NOX4: variants seen among roughly 807,000 people sequenced by gnomAD.
NOX4 encodes NADPH oxidase 4, also known as kidney oxidase-1.
In NOX4, 69 loss-of-function variants were observed where a neutral mutation model predicts 87.6. The observed-to-expected ratio is 0.79, with a 90% confidence interval of 0.65 to 0.96. The LOEUF is 0.96. Ranked by LOEUF, NOX4 falls within the 40% of genes least tolerant of loss-of-function variation. The pLI is 0.00. For synonymous variants in NOX4, 275 were observed against 238.2 expected (o/e 1.15, Z -1.42); for missense variants, 680 against 681.5 (o/e 1.00, Z 0.02).
chr11:89,565,433 T>C, the NOX4 span, among the ~76,000 whole-genome samples: 22 of 152,200 alleles, frequency 1.4e-4, no homozygotes, highest in Non-Finnish European at 3.1e-4. Flanking sequence ...TCATGTATTT[T>C]GCAGCTAATG....
intron 11 of NOX4, among the ~76,000 whole-genome samples, chr11:89,385,174 C>G (rs1940604702): frequency 6.6e-6 from 1 of 152,112 alleles, no homozygotes; most frequent in Non-Finnish European, 1.5e-5. Flanking sequence ...TATCCTGCAC[C>G]ACCATGCTGT....
intron 2 of NOX4, among the ~76,000 whole-genome samples, chr11:89,454,029 G>C (rs1945080667): frequency 6.6e-6 from 1 of 152,040 alleles, no homozygotes; most frequent in South Asian, 2.1e-4. Flanking sequence ...TATCATTAAA[G>C]AAAGCCCAGG....
intron 11 of NOX4, among the ~76,000 whole-genome samples, chr11:89,374,472 GC>G (rs1351151138): frequency 6.6e-6 from 1 of 152,130 alleles, no homozygotes; most frequent in African/African-American, 2.4e-5. Flanking sequence ...CGACTACCCA[GC>G]TTTTATCAAG....
At chr11:89,415,100 C>T (rs1377479965) in intron 8 of NOX4, among the ~76,000 whole-genome samples, 1 of 151,818 alleles carries the variant, frequency 6.6e-6, no homozygotes, top group Non-Finnish European at 1.5e-5. Flanking sequence ...TGCTTCAATT[C>T]CCCATCTGTA....
chr11:89,488,520 A>T (rs1946718560), intron 2 of NOX4, among the ~76,000 whole-genome samples: 2 of 152,308 alleles, frequency 1.3e-5, no homozygotes, highest in South Asian at 4.1e-4. Context: ...CATGAAAATT[A>T]ATGAGTTGGT....
the NOX4 span, among the ~76,000 whole-genome samples, chr11:89,555,798 C>T: frequency 7.5e-4 from 114 of 151,940 alleles, no homozygotes; most frequent in African/African-American, 2.7e-3. Flanking sequence ...AGGAGAGAGC[C>T]GATATGTATT....
chr11:89,374,414 T>C (rs1415487825), intron 11 of NOX4, among the ~76,000 whole-genome samples: 2 of 152,198 alleles, frequency 1.3e-5, no homozygotes, highest in African/African-American at 4.8e-5. Flanking sequence ...TTCTGAATTC[T>C]AAAAATGCAT....
intron 4 of NOX4, among the ~76,000 whole-genome samples, chr11:89,445,560 G>A (rs769096580): frequency 8.6e-5 from 13 of 152,016 alleles, no homozygotes; most frequent in Non-Finnish European, 1.0e-4. Context: ...CCAGAAATAC[G>A]CCCACATTAA....
chr11:89,540,295 T>A, the NOX4 span, among the ~76,000 whole-genome samples: 1 of 152,300 alleles, frequency 6.6e-6, no homozygotes, highest in East Asian at 1.9e-4. Context: ...ATTCTTCATG[T>A]CTCTTAGCTT....
chr11:89,364,345 A>G (rs1018510859), intron 12 of NOX4, among the ~76,000 whole-genome samples: 6 of 152,070 alleles, frequency 3.9e-5, no homozygotes, highest in Non-Finnish European at 8.8e-5. Context: ...TATATTACAT[A>G]TGTAGACAAA....
chr11:89,341,734 G>T (rs1217055956), intron 14 of NOX4, among the ~76,000 whole-genome samples: 1 of 152,102 alleles, frequency 6.6e-6, no homozygotes, highest in Admixed American at 6.6e-5. Context: ...ATTGGCACAT[G>T]GGTGTTCAAA....
chr11:89,395,723 A>G (rs1326306347), intron 11 of NOX4, among the ~76,000 whole-genome samples: 3 of 152,058 alleles, frequency 2.0e-5, no homozygotes, highest in South Asian at 2.1e-4. Flanking sequence ...TCTACATACA[A>G]CTAGCCAATT....
the NOX4 span, among the ~76,000 whole-genome samples, chr11:89,539,835 C>A: frequency 6.6e-6 from 1 of 152,118 alleles, no homozygotes; most frequent in South Asian, 2.1e-4. Flanking sequence ...AGTCATGTAC[C>A]CAATCTCCCC....
At chr11:89,497,470 A>C (rs531178371) in intron 1 of NOX4, among the ~76,000 whole-genome samples, 2 of 152,314 alleles carry the variant, frequency 1.3e-5, no homozygotes, top group African/African-American at 4.8e-5. Context: ...ATCCACATTA[A>C]ATAATATGAG....
chr11:89,503,173 A>G (rs142072533), upstream of NOX4, among the ~76,000 whole-genome samples: 319 of 152,126 alleles, frequency 2.1e-3, no homozygotes, highest in Middle Eastern at 6.8e-3. Flanking sequence ...ATTCCTTTTT[A>G]TATATTTGGA....
At position 89,491,279 on chromosome 11, in the gene NOX4, C is replaced by T. The variant is rs781285933; in HGVS notation, c.-33G>A. ...GCCCCGCCGCGCTGCGCTCTGTGCC[C>T]GCCGGACCGAGAAGGAGCGGGCGGC... On this transcript the variant is annotated 5_prime_UTR_variant, in exon 1 of 18. Coordinates refer to ENST00000263317, the MANE Select transcript of NOX4 (RefSeq NM_016931.5). The T allele has an allele frequency of 6.2e-7, 1 of 1,602,912 alleles. No individual in the cohort carries two copies. The highest frequency in any genetic ancestry group is 8.5e-7 in the Non-Finnish European group (1 of 1,174,892).
chr11:89,576,046 C>T, the NOX4 span, among the ~76,000 whole-genome samples: 1 of 152,204 alleles, frequency 6.6e-6, no homozygotes. Flanking sequence ...GTTTTGGGCA[C>T]ATGATCCAAG....
chr11:89,554,260 C>A, the NOX4 span, among the ~76,000 whole-genome samples: 1 of 151,920 alleles, frequency 6.6e-6, no homozygotes, highest in Admixed American at 6.6e-5. Context: ...TGTGGTCCTA[C>A]CACTATTGAA....
At chr11:89,539,615 C>A in the NOX4 span, among the ~76,000 whole-genome samples, 1 of 152,052 alleles carries the variant, frequency 6.6e-6, no homozygotes, top group Non-Finnish European at 1.5e-5. Flanking sequence ...CTCACCCACC[C>A]TCTTTCTCTT....
Sources: allele counts gnomAD v4.1 joint callset (sites outside exome capture counted in the v4.1 genomes callset), GRCh38; gene constraint gnomAD v4.1.1; transcripts MANE v1.5; gene names NCBI Gene and HGNC (gene_info 2026-07-23, HGNC 2026-07-21).